The following RGS10 variants were observed in gnomAD, a reference collection of about 807,000 sequenced individuals.
RGS10 encodes the protein regulator of G-protein signalling 10.
A neutral mutation model predicts 23.5 loss-of-function variants in RGS10; 11 were observed. That is an observed-to-expected ratio of 0.47 (90% CI 0.29 to 0.77). The LOEUF is 0.77. Ranked by LOEUF, RGS10 falls within the 30% of genes least tolerant of loss-of-function variation. RGS10 has a pLI of 0.08. For synonymous variants in RGS10, 77 were observed against 83.2 expected (o/e 0.92, Z 0.41); for missense variants, 180 against 226.3 (o/e 0.80, Z 1.31).
chr10:119,515,391 G>A lies in RGS10; in HGVS notation c.399+118C>T, dbSNP rs1360518782. Reference sequence around the variant, plus strand: ...ATGGCCCCTCAGTGTACCTCGGTCTGCCCGGCCGTATGAGATGGTTTCCAG... The same window carrying A: ...ATGGCCCCTCAGTGTACCTCGGTCTACCCGGCCGTATGAGATGGTTTCCAG... On this transcript the variant is annotated intron_variant, in intron 4 of 4. Coordinates refer to ENST00000369103, the MANE Select transcript of RGS10 (RefSeq NM_001005339.2). The A allele has an allele frequency of 9.4e-5, 118 of 1,258,842 alleles. No homozygotes were observed. The East Asian group carries it at 2.8e-3, about 30-fold the overall frequency. 78.0% of individuals were successfully genotyped at this position (1,258,842 alleles called of 1,614,324 possible). A position where few individuals can be genotyped will look rare whatever the true frequency, so the allele number is the denominator to read the frequency against.
rs555298389 is a variant in RGS10, at chr10:119,509,180, T to G, written c.399+6329A>C. ...TGGGAGGCTGAGGTGGGCAGATCAC[T>G]TGAGGTCAGGAGTTCATAAATACCT... On this transcript the variant is annotated intron_variant, in intron 4 of 4. Transcript: ENST00000369103. Among the ~76,000 whole-genome samples, 8 of 152,240 alleles carry G rather than the reference T, an allele frequency of 5.3e-5. No individual in the cohort carries two copies. In the East Asian group the frequency reaches 1.5e-3, roughly 29 times the overall value.
chr10:119,520,718 G>A (rs566931091), intron 3 of RGS10, among the ~76,000 whole-genome samples: 25 of 151,026 alleles, frequency 1.7e-4, no homozygotes, highest in African/African-American at 5.8e-4. Context: ...TGGCCCCCCA[G>A]GAAGAGACTA....
chr10:119,516,723 T>A (rs1395796237), intron 3 of RGS10, among the ~76,000 whole-genome samples: 5 of 152,158 alleles, frequency 3.3e-5, no homozygotes. Context: ...CGAGGCTGGC[T>A]CAGGAGCACT....
In RGS10 at chr10:119,515,655, G is replaced by A; in HGVS notation, c.256-3C>T. 1 of 1,612,176 alleles carries A rather than the reference G, an allele frequency of 6.2e-7. No homozygotes were observed. The highest frequency in any genetic ancestry group is 8.5e-7 in the Non-Finnish European group (1 of 1,179,412). On this transcript the variant is annotated splice_polypyrimidine_tract_variant and splice_region_variant and intron_variant, in intron 3 of 4. Coordinates refer to ENST00000369103, the MANE Select transcript of RGS10 (RefSeq NM_001005339.2). ...ATCTCCTTTGCCTTTTCCTGCATCT[G>A]GAGGAGACAGATGGGGCCTTGTGCT...
intron 3 of RGS10, among the ~76,000 whole-genome samples, chr10:119,519,737 C>A (rs1213550285): frequency 1.3e-5 from 2 of 148,914 alleles, no homozygotes; most frequent in Non-Finnish European, 3.0e-5. Flanking sequence ...GTCTGTCCCC[C>A]AGCTCCTGTC....
Position 119,509,874 on chromosome 10 carries a change from G to T in RGS10, c.399+5635C>A, listed in dbSNP as rs1589834276. ...CCCACTTCTGCCTCTGGTGCTCAGG[G>T]CCAAGCTCATGCATGCACTGTGATA... On this transcript the variant is annotated intron_variant, in intron 4 of 4. Coordinates refer to ENST00000369103, the MANE Select transcript of RGS10 (RefSeq NM_001005339.2). Among the ~76,000 whole-genome samples the T allele has an allele frequency of 2.7e-5, 4 of 149,886 alleles. No individual in the cohort carries two copies. The South Asian group carries it at 8.7e-4, about 33-fold the overall frequency.
chr10:119,524,146 T>C lies in RGS10; in HGVS notation c.255+1886A>G, dbSNP rs1844247392. Among the ~76,000 whole-genome samples, 1 of 152,180 alleles carries C rather than the reference T, an allele frequency of 6.6e-6. No homozygotes were observed. The highest frequency in any genetic ancestry group is 1.5e-5 in the Non-Finnish European group (1 of 68,026). ...CATGTGCTTCCCATCTCTACACTCA[T>C]TGCACTTGCACAGGCTTGCTCCCCT... On this transcript the variant is annotated intron_variant, in intron 3 of 4. Coordinates refer to ENST00000369103, the MANE Select transcript of RGS10 (RefSeq NM_001005339.2). The surrounding 1 kb of genome is among the most constrained non-coding windows in gnomAD (Gnocchi z 5.2).
intron 1 of RGS10, among the ~76,000 whole-genome samples, chr10:119,531,316 C>T (rs1204117958): frequency 2.0e-5 from 3 of 152,182 alleles, no homozygotes; most frequent in Admixed American, 6.5e-5. Flanking sequence ...CATGGCAGAA[C>T]CACTTTGGCC....
intron 1 of RGS10, among the ~76,000 whole-genome samples, chr10:119,537,763 A>C (rs1844402960): frequency 2.0e-5 from 3 of 152,224 alleles, no homozygotes; most frequent in Admixed American, 1.3e-4. Context: ...AACGAGAAGG[A>C]AGACTAGGAA....
chr10:119,536,511 TCCACTGC>T (rs1844390433), intron 1 of RGS10: 2 of 1,609,172 alleles, frequency 1.2e-6, no homozygotes, highest in African/African-American at 2.7e-5. Context: ...AGACCAACAA[TCCACTGC>T]CTTCCCAGAG....
rs1283277880 is a variant in RGS10, at chr10:119,542,674, C to A, written c.-36G>T. On this transcript the variant is annotated 5_prime_UTR_variant, in exon 1 of 5. Transcript: ENST00000369103. ...GCCCGAGGAGGAAGAAGGAGCAGCC[C>A]GGCGGCGCGGCGGCTGAGCCGGAGG... 1 of 1,336,116 alleles carries A rather than the reference C, an allele frequency of 7.5e-7. No individual in the cohort carries two copies. Among genetic ancestry groups the A allele is most frequent in the Non-Finnish European group, 9.6e-7 (1 of 1,043,708 alleles). The allele number at this position is 1,336,116 out of a possible 1,614,324, so 82.8% of individuals were successfully genotyped here.
chr10:119,527,495 G>A lies in RGS10; in HGVS notation c.50-71C>T. On this transcript the variant is annotated intron_variant, in intron 1 of 4. Transcript: ENST00000369103. This position sits in a 1 kb window ranked among gnomAD's most constrained non-coding sequence, Gnocchi z 4.2. ...CATTTTAAGAAATCTGCATGCAATG[G>A]TCAGCACTGCCGTCACCATCACGGC... 1 of 1,166,502 alleles carries A rather than the reference G, an allele frequency of 8.6e-7. No individual in the cohort carries two copies. Among genetic ancestry groups the A allele is most frequent in the Non-Finnish European group, 1.3e-6 (1 of 776,790 alleles). The allele number at this position is 1,166,502 out of a possible 1,614,324, so 72.3% of individuals were successfully genotyped here.
At chr10:119,509,596 T>A (rs982414142) in intron 4 of RGS10, among the ~76,000 whole-genome samples, 6 of 151,802 alleles carry the variant, frequency 4.0e-5, no homozygotes, top group Admixed American at 3.3e-4. Context: ...GCCTCAAAAA[T>A]ATATATATAA....
At chr10:119,536,633 T>A in intron 1 of RGS10, 1 of 742,638 alleles carries the variant, frequency 1.3e-6, no homozygotes, top group Non-Finnish European at 2.1e-6. Context: ...AAACAACAGA[T>A]GGCCACTGGT....
intron 3 of RGS10, among the ~76,000 whole-genome samples, chr10:119,520,640 C>T (rs1309762617): frequency 1.3e-5 from 2 of 152,040 alleles, no homozygotes; most frequent in African/African-American, 2.4e-5. Flanking sequence ...ATAGACCCCC[C>T]GCGCCAGCAA....
At chr10:119,539,369 C>T (rs569886863) in intron 1 of RGS10, among the ~76,000 whole-genome samples, 10 of 152,346 alleles carry the variant, frequency 6.6e-5, no homozygotes, top group South Asian at 2.1e-4. Context: ...CCCGAGGGGA[C>T]GGCCGAAACC....
intron 4 of RGS10, among the ~76,000 whole-genome samples, chr10:119,511,229 C>G (rs1368048001): frequency 6.6e-6 from 1 of 152,166 alleles, no homozygotes; most frequent in East Asian, 1.9e-4. Flanking sequence ...GCTGGGCACA[C>G]CAAGCTTGCA....
chr10:119,532,405 T>C (rs1384145831), intron 1 of RGS10, among the ~76,000 whole-genome samples: 1 of 152,066 alleles, frequency 6.6e-6, no homozygotes, highest in Non-Finnish European at 1.5e-5. Flanking sequence ...AGTAATGAAT[T>C]CCTAAGCCAT....
rs376479229 is a variant in RGS10, at chr10:119,514,801, G to A, written c.399+708C>T. Among the ~76,000 whole-genome samples, 5 of 152,294 alleles carry A rather than the reference G, an allele frequency of 3.3e-5. No individual in the cohort carries two copies. The East Asian group carries it at 9.6e-4, about 29-fold the overall frequency. On this transcript the variant is annotated intron_variant, in intron 4 of 4. Coordinates refer to ENST00000369103, the MANE Select transcript of RGS10 (RefSeq NM_001005339.2). ...ACTTTCAAGTGCCCTAGGGAGCTCT[G>A]ACAAGATTCTGAGGTCCAGGGTGGG... is the stretch of plus-strand genomic sequence containing the variant.
Sources: gnomAD v4.1 joint callset for allele counts (sites outside exome capture counted in the v4.1 genomes callset) on GRCh38, gnomAD v4.1.1 for gene constraint, Gnocchi (gnomAD v3.1) non-coding constraint, MANE v1.5 for transcripts, NCBI Gene and HGNC (gene_info 2026-07-23, HGNC 2026-07-21) for gene names.